The following GRID2 variants were observed in gnomAD, a reference collection of about 807,000 sequenced individuals.
The protein encoded by GRID2 is glutamate ionotropic receptor delta type subunit 2, also known as glutamate receptor ionotropic, delta-2.
Under a neutral mutation model 114.8 loss-of-function variants are expected in GRID2, and 33 were observed. The observed-to-expected ratio is 0.29, with a 90% CI of 0.22 to 0.38. GRID2 has a LOEUF of 0.38. GRID2 is among the 10% of genes least tolerant of loss of function. The pLI, the probability that GRID2 is intolerant of heterozygous loss-of-function variation, is 1.00. For synonymous variants in GRID2, 505 were observed against 449.9 expected (o/e 1.12, Z -1.55); for missense variants, 1,184 against 1,257.7 (o/e 0.94, Z 0.89).
At chr4:93,591,875 T>A (rs1332468931) in intron 13 of GRID2, among the ~76,000 whole-genome samples, 6 of 152,228 alleles carry the variant, frequency 3.9e-5, no homozygotes, top group Non-Finnish European at 5.9e-5. Context: ...TGATGGTAGT[T>A]TGTATTTCTG....
At chr4:92,887,739 G>A (rs1443347007) in intron 2 of GRID2, among the ~76,000 whole-genome samples, 1 of 152,158 alleles carries the variant, frequency 6.6e-6, no homozygotes, top group Non-Finnish European at 1.5e-5. Flanking sequence ...TTGATGAAAA[G>A]AGAATATTGG....
intron 9 of GRID2, among the ~76,000 whole-genome samples, chr4:93,415,109 C>G (rs1269734404): frequency 1.3e-5 from 2 of 152,174 alleles, no homozygotes; most frequent in South Asian, 4.1e-4. Flanking sequence ...TTCATCAACT[C>G]CAGTGTTTGT....
intron 1 of GRID2, among the ~76,000 whole-genome samples, chr4:93,779,617 C>T (rs1734439964): frequency 6.6e-6 from 1 of 152,062 alleles, no homozygotes; most frequent in African/African-American, 2.4e-5. Flanking sequence ...TAAATTACAC[C>T]ATGTTGCAGA....
intron 3 of GRID2, among the ~76,000 whole-genome samples, chr4:93,086,609 C>T (rs529284040): frequency 1.3e-5 from 2 of 152,288 alleles, no homozygotes; most frequent in African/African-American, 4.8e-5. Flanking sequence ...TGGAAACACA[C>T]TCCTTTGTCT....
intron 10 of GRID2, among the ~76,000 whole-genome samples, chr4:93,451,954 G>A (rs1034327150): frequency 1.3e-5 from 2 of 152,130 alleles, no homozygotes; most frequent in African/African-American, 4.8e-5. Flanking sequence ...AAGTCATTTA[G>A]TAGAAATGTC....
chr4:92,766,946 C>T (rs903468005), intron 2 of GRID2, among the ~76,000 whole-genome samples: 6 of 152,206 alleles, frequency 3.9e-5, no homozygotes, highest in African/African-American at 1.4e-4. Context: ...TTTACTAGGA[C>T]TTTTTAAGTC....
chr4:93,290,291 G>T (rs1032075912), intron 8 of GRID2, among the ~76,000 whole-genome samples: 1 of 152,172 alleles, frequency 6.6e-6, no homozygotes, highest in African/African-American at 2.4e-5. Flanking sequence ...GTTTATGAGT[G>T]TGTTTGGGGT....
chr4:92,399,012 A>G (rs897248722), intron 1 of GRID2, among the ~76,000 whole-genome samples: 1 of 152,190 alleles, frequency 6.6e-6, no homozygotes. Context: ...TATTTTTTAC[A>G]TTTAAAGCTA....
chr4:92,426,834 TAAG>T (rs1013905126), intron 1 of GRID2, among the ~76,000 whole-genome samples: 6 of 152,084 alleles, frequency 3.9e-5, no homozygotes, highest in Non-Finnish European at 5.9e-5. Flanking sequence ...GCAAAAAGCA[TAAG>T]GTCACCTCCT....
At chr4:93,569,213 A>T (rs1468429435) in intron 13 of GRID2, among the ~76,000 whole-genome samples, 2 of 152,112 alleles carry the variant, frequency 1.3e-5, no homozygotes, top group Non-Finnish European at 2.9e-5. Context: ...CTAAAATCAT[A>T]CCTTTACTTG....
chr4:92,517,139 C>A lies in GRID2; in HGVS notation c.89-72992C>A, dbSNP rs187243825. Among the ~76,000 whole-genome samples the A allele has an allele frequency of 2.2e-3, 334 of 151,930 alleles. 2 individuals are homozygous for A. The highest frequency in any genetic ancestry group is 7.8e-3 in the African/African-American group (322 of 41,484). On this transcript the variant is annotated intron_variant, in intron 1 of 15. Transcript: ENST00000282020. ...CGTACTGGATGCCCTCGTAGGCTTA[C>A]CCAGCTTTTCAATCATAAAGTCAGA...
chr4:92,818,728 T>C (rs892064039), intron 2 of GRID2, among the ~76,000 whole-genome samples: 2 of 152,154 alleles, frequency 1.3e-5, no homozygotes, highest in Non-Finnish European at 2.9e-5. Flanking sequence ...TCATACTTCA[T>C]GTCTCTTCTG....
intron 8 of GRID2, among the ~76,000 whole-genome samples, chr4:93,380,140 C>T (rs2082553): frequency 0.089 from 13,528 of 151,946 alleles, 849 homozygotes; most frequent in African/African-American, 0.17. Context: ...AAGATGAGAT[C>T]GTTATGGAAT....
At chr4:93,051,011 A>G (rs772110881) in intron 2 of GRID2, among the ~76,000 whole-genome samples, 3 of 152,036 alleles carry the variant, frequency 2.0e-5, no homozygotes, top group Non-Finnish European at 4.4e-5. Context: ...AGGGATTTTC[A>G]GCTGTGAGTA....
intron 2 of GRID2, among the ~76,000 whole-genome samples, chr4:93,001,299 A>G (rs2149217114): frequency 6.6e-6 from 1 of 151,794 alleles, no homozygotes; most frequent in Admixed American, 6.6e-5. Context: ...ATACAATCAC[A>G]GTAAACTTCA....
chr4:93,608,724 G>C (rs1336654284), intron 13 of GRID2, among the ~76,000 whole-genome samples: 6 of 136,112 alleles, frequency 4.4e-5, no homozygotes, highest in African/African-American at 1.7e-4. Flanking sequence ...TTGGACATTT[G>C]GGTTGGTTCC....
intron 2 of GRID2, among the ~76,000 whole-genome samples, chr4:92,696,689 CT>C: frequency 6.6e-6 from 1 of 151,968 alleles, no homozygotes; most frequent in East Asian, 1.9e-4. Context: ...TGCAATGACA[CT>C]TTAGATTAGA....
intron 13 of GRID2, among the ~76,000 whole-genome samples, chr4:93,548,901 A>C (rs1733494704): frequency 6.6e-6 from 1 of 152,156 alleles, no homozygotes; most frequent in South Asian, 2.1e-4. Context: ...TCACCAAAGG[A>C]CCAGATCTGG....
intron 2 of GRID2, among the ~76,000 whole-genome samples, chr4:92,907,826 C>G (rs964422787): frequency 5.3e-5 from 8 of 152,172 alleles, no homozygotes; most frequent in Non-Finnish European, 1.2e-4. Context: ...GAGTTCGAGA[C>G]CAGCCTGACC....
Sources: gnomAD v4.1 joint callset for allele counts (sites outside exome capture counted in the v4.1 genomes callset) on GRCh38, gnomAD v4.1.1 for gene constraint, MANE v1.5 for transcripts, NCBI Gene and HGNC (gene_info 2026-07-23, HGNC 2026-07-21) for gene names.